Variants in PRDM16 observed in about 807,000 individuals in gnomAD.
The protein encoded by PRDM16 is histone-lysine N-methyltransferase PRDM16.
In PRDM16, 23 loss-of-function variants were observed where a neutral mutation model predicts 110.6. The ratio of observed to expected loss-of-function variants is 0.21; its 90% CI spans 0.15 to 0.29. The LOEUF (loss-of-function observed/expected upper bound fraction) is 0.29. PRDM16 is among the 10% of genes least tolerant of loss of function. The pLI is 1.00. For synonymous variants in PRDM16, 799 were observed against 781.8 expected, an observed-to-expected ratio of 1.02 and a Z score of -0.37; for missense variants, 1,615 against 1,794.3, an observed-to-expected ratio of 0.90 and a Z score of 1.81.
At chr1:3,220,902 T>G (rs1390553554) in intron 2 of PRDM16, among the ~76,000 whole-genome samples, 1 of 152,190 alleles carries the variant, frequency 6.6e-6, no homozygotes, top group Non-Finnish European at 1.5e-5. Context: ...TGGGAGAAAG[T>G]GCACCACAGT....
Position 3,435,444 on chromosome 1 carries a change from C to T in PRDM16, c.*1633C>T. The T allele has an allele frequency of 4.3e-6, 1 of 230,996 alleles. No homozygotes were observed. Among genetic ancestry groups the T allele is most frequent in the Non-Finnish European group, 8.6e-6 (1 of 116,740 alleles). The allele number at this position is 230,996 out of a possible 1,614,324, so 14.3% of individuals were successfully genotyped here. A position where few individuals can be genotyped will look rare whatever the true frequency, so the allele number is the denominator to read the frequency against. ...CCATGAATCCTGCTGTCCCTGCTGCCGTTTACCAGACAATCATATGTTTTT... is the reference window on the plus strand; with the variant it reads ...CCATGAATCCTGCTGTCCCTGCTGCTGTTTACCAGACAATCATATGTTTTT... On this transcript the variant is annotated 3_prime_UTR_variant, in exon 17 of 17. Transcript: ENST00000270722.
intron 2 of PRDM16, among the ~76,000 whole-genome samples, chr1:3,215,425 AT>A (rs745796048): frequency 2.9e-3 from 246 of 84,626 alleles, no homozygotes; most frequent in African/African-American, 0.028. Context: ...GGCAAGGCCT[AT>A]TGGGGTCCAG....
At chr1:3,181,191 T>TATGGTCTTACAC in intron 1 of PRDM16, among the ~76,000 whole-genome samples, 2 of 120,814 alleles carry the variant, frequency 1.7e-5, no homozygotes, top group East Asian at 2.8e-4. Flanking sequence ...CACGCAGTCT[T>TATGGTCTTACAC]ACGGTCTTAC....
intron 1 of PRDM16, among the ~76,000 whole-genome samples, chr1:3,146,134 C>G (rs1268457831): frequency 6.6e-6 from 1 of 152,236 alleles, no homozygotes; most frequent in African/African-American, 2.4e-5. Context: ...CTCTGCTGCA[C>G]TGCAGACTCT....
intron 1 of PRDM16, among the ~76,000 whole-genome samples, chr1:3,183,271 G>A (rs901056932): frequency 6.6e-6 from 1 of 152,190 alleles, no homozygotes; most frequent in Admixed American, 6.5e-5. Context: ...TGACCCTCTC[G>A]GGGGCATCCT....
In PRDM16 at chr1:3,370,109, G is replaced by C. The variant is rs557944416; in HGVS notation, c.439-15043G>C. On this transcript the variant is annotated intron_variant, in intron 3 of 16. Transcript: ENST00000270722. This position sits in a 1 kb window ranked among gnomAD's most constrained non-coding sequence, Gnocchi z 4.8. ...ATCCTGGCCCTTCTCCATGCAACCA[G>C]ACTTTTGCTAAGCACCTACTATGTG... Among the ~76,000 whole-genome samples the C allele has an allele frequency of 1.8e-4, 28 of 152,294 alleles. No homozygotes were observed. The highest frequency in any genetic ancestry group is 6.0e-4 in the African/African-American group (25 of 41,558).
At chr1:3,197,222 C>T (rs985683486) in intron 2 of PRDM16, among the ~76,000 whole-genome samples, 12 of 152,136 alleles carry the variant, frequency 7.9e-5, no homozygotes, top group African/African-American at 2.4e-4. Context: ...GAGTCATATG[C>T]GACCATGGGC....
intron 8 of PRDM16, among the ~76,000 whole-genome samples, chr1:3,409,086 G>A (rs7512522): frequency 0.015 from 2,274 of 149,700 alleles, 64 homozygotes; most frequent in African/African-American, 0.053. Flanking sequence ...CGTGAGTGTG[G>A]GCGCGTGTCT....
chr1:3,238,317 C>T (rs529995350), intron 2 of PRDM16, among the ~76,000 whole-genome samples: 1 of 152,070 alleles, frequency 6.6e-6, no homozygotes, highest in African/African-American at 2.4e-5. Context: ...TCTCCAGAGC[C>T]CAGGGTCCTT....
chr1:3,194,507 C>T (rs912214689), intron 2 of PRDM16, among the ~76,000 whole-genome samples: 2 of 152,030 alleles, frequency 1.3e-5, no homozygotes, highest in Admixed American at 6.6e-5. Flanking sequence ...GCTGGAGTCT[C>T]AGGGAGGGAG....
intron 5 of PRDM16, among the ~76,000 whole-genome samples, chr1:3,396,922 G>A (rs1390816280): frequency 6.6e-6 from 1 of 152,212 alleles, no homozygotes; most frequent in Non-Finnish European, 1.5e-5. Context: ...GGTCCCAGGT[G>A]ATTTTTTTAA....
intron 1 of PRDM16, among the ~76,000 whole-genome samples, chr1:3,129,295 CGTGTCAGTGTCCTGCCTGGTGTGTGT>C (rs1643282592): frequency 7.4e-6 from 1 of 135,342 alleles, no homozygotes; most frequent in South Asian, 2.4e-4. Flanking sequence ...CTGGTGTGTG[CGTGTCAGTGTCCTGCCTGGTGTGTGT>C]GTGGGTGTGT....
chr1:3,279,434 A>G (rs1465168467), intron 3 of PRDM16, among the ~76,000 whole-genome samples: 3 of 152,238 alleles, frequency 2.0e-5, no homozygotes, highest in Non-Finnish European at 4.4e-5. Context: ...CCAAGTGGCC[A>G]CACTGGCCGC....
At chr1:3,096,476 G>T (rs1642402966) in intron 1 of PRDM16, among the ~76,000 whole-genome samples, 1 of 152,188 alleles carries the variant, frequency 6.6e-6, no homozygotes, top group African/African-American at 2.4e-5. Context: ...AGAGGGAGAG[G>T]GTCTGTGTTT....
At chr1:3,113,097 C>T (rs776622513) in intron 1 of PRDM16, among the ~76,000 whole-genome samples, 3 of 152,232 alleles carry the variant, frequency 2.0e-5, no homozygotes, top group African/African-American at 2.4e-5. Context: ...TGGGGGGCCT[C>T]TTGTGGAGGG....
In PRDM16 at chr1:3,412,591, C is replaced by T. The variant is rs374283575; in HGVS notation, c.2394C>T (p.Gly798=). Residue 798 remains glycine, a synonymous_variant, in exon 9 of 17, where the codon GGC becomes GGT. Transcript: ENST00000270722. ...MPKGPSAPAS[G]EEQPLDLSIG... ...AGGGCCCCTCGGCCCCCGCATCCGG[C>T]GAGGAGCAGCCGCTGGACCTGAGCA... is the stretch of plus-strand genomic sequence containing the variant. 7.7e-5 allele frequency: 124 copies of T among 1,602,708 alleles called. 1 individual carries two copies. The African/African-American group carries it at 1.1e-3, about 14-fold the overall frequency.
intron 2 of PRDM16, among the ~76,000 whole-genome samples, chr1:3,241,199 G>T (rs1381503973): frequency 6.6e-6 from 1 of 152,272 alleles, no homozygotes; most frequent in Non-Finnish European, 1.5e-5. Context: ...TCCGCAACGC[G>T]GCTCAGGCCC....
chr1:3,266,272 G>T (rs553453513), intron 3 of PRDM16, among the ~76,000 whole-genome samples: 1 of 152,290 alleles, frequency 6.6e-6, no homozygotes, highest in East Asian at 1.9e-4. Flanking sequence ...AACTTCCACG[G>T]ATCGGGCGGG....
chr1:3,329,063 A>G (rs1446506875), intron 3 of PRDM16, among the ~76,000 whole-genome samples: 2 of 114,710 alleles, frequency 1.7e-5, no homozygotes, highest in African/African-American at 2.6e-5. Context: ...GGCCCCTCCT[A>G]GGAAACTTGT....
Sources: gnomAD v4.1 joint callset for allele counts (sites outside exome capture counted in the v4.1 genomes callset) on GRCh38, gnomAD v4.1.1 for gene constraint, Gnocchi (gnomAD v3.1) non-coding constraint, MANE v1.5 for transcripts, NCBI Gene and HGNC (gene_info 2026-07-23, HGNC 2026-07-21) for gene names.